The following TP73 variants were observed in gnomAD, a reference collection of about 807,000 sequenced individuals.
TP73 encodes tumor protein p73.
A neutral mutation model predicts 62.5 loss-of-function variants in TP73; 25 were observed. The ratio of observed to expected loss-of-function variants is 0.40; its 90% CI spans 0.29 to 0.56. The LOEUF is 0.56. TP73 is among the 20% of genes least tolerant of loss of function. The pLI is 0.46. For synonymous variants in TP73, 423 were observed against 377.5 expected (o/e 1.12, Z -1.40); for missense variants, 754 against 913.3 (o/e 0.83, Z 2.25).
rs1347742887 is a variant in TP73, at chr1:3,652,588, C to T, written c.-87C>T. 1 of 151,884 alleles carries T rather than the reference C, an allele frequency of 6.6e-6. No individual in the cohort carries two copies. Among genetic ancestry groups the T allele is most frequent in the Admixed American group, 6.6e-5 (1 of 15,242 alleles). 9.4% of individuals were successfully genotyped at this position (151,884 alleles called of 1,614,324 possible). ...GAAGGGGACGCAGCGAAACCGGGGC[C>T]CGCGCCAGGCCAGCCGGGACGGACG... is the stretch of plus-strand genomic sequence containing the variant. On this transcript the variant is annotated 5_prime_UTR_variant, in exon 1 of 14. Transcript: ENST00000378295.
intron 3 of TP73, among the ~76,000 whole-genome samples, chr1:3,687,748 C>G (rs1021789452): frequency 6.6e-6 from 1 of 152,178 alleles, no homozygotes; most frequent in Non-Finnish European, 1.5e-5. Context: ...GCTGGCCCCT[C>G]CCCTGTGCCC....
rs199941700 is a variant in TP73 at position 3,728,100 on chromosome 1, C to T, written c.986-29C>T. ...GCCTCACCCTCTGGTCCTGCCTGCT[C>T]ACCCCGCCTGCCCTGCCTGGCCTTC... On this transcript the variant is annotated intron_variant, in intron 8 of 13. Coordinates refer to ENST00000378295, the MANE Select transcript of TP73 (RefSeq NM_005427.4). The T allele has an allele frequency of 5.0e-6, 8 of 1,593,274 alleles. No homozygotes were observed. In the East Asian group the frequency reaches 1.6e-4, roughly 31 times the overall value.
chr1:3,720,139 T>C (rs1225653215), intron 4 of TP73, among the ~76,000 whole-genome samples: 1 of 152,166 alleles, frequency 6.6e-6, no homozygotes, highest in Non-Finnish European at 1.5e-5. Flanking sequence ...GCCAGGCTGG[T>C]CGAACTCCTG....
intron 3 of TP73, among the ~76,000 whole-genome samples, chr1:3,695,290 A>T (rs950050940): frequency 4.6e-5 from 7 of 152,220 alleles, no homozygotes; most frequent in Non-Finnish European, 1.5e-5. Flanking sequence ...CCAAATGTCC[A>T]GTTCATGGCC....
chr1:3,657,053 A>C (rs1644880713), intron 1 of TP73, among the ~76,000 whole-genome samples: 1 of 152,260 alleles, frequency 6.6e-6, no homozygotes, highest in South Asian at 2.1e-4. Flanking sequence ...ATGAACAAAG[A>C]AGCGCACATA....
At chr1:3,716,932 G>A (rs1467254333) in intron 4 of TP73, among the ~76,000 whole-genome samples, 1 of 152,164 alleles carries the variant, frequency 6.6e-6, no homozygotes, top group African/African-American at 2.4e-5. Context: ...AGAGAGGAGA[G>A]AGATGCACCC....
chr1:3,678,049 A>C (rs747263200), intron 1 of TP73, among the ~76,000 whole-genome samples: 4 of 152,100 alleles, frequency 2.6e-5, no homozygotes, highest in Non-Finnish European at 5.9e-5. Context: ...TACACTTCCA[A>C]TAATGTATTT....
At chr1:3,728,361 G>A in intron 9 of TP73, 144 bp downstream of exon 9, 1 of 783,638 alleles carries the variant, frequency 1.3e-6, no homozygotes, top group Non-Finnish European at 2.0e-6. Flanking sequence ...AGGGTCCAGA[G>A]GGCAGAACCT....
chr1:3,722,310 G>A (rs1641136271), intron 5 of TP73, 103 bp downstream of exon 5: 1 of 1,396,704 alleles, frequency 7.2e-7, no homozygotes, highest in African/African-American at 1.5e-5. Context: ...CTGACAGCAT[G>A]GGCTTAGCCA....
chr1:3,727,365 C>A (rs1013607928), intron 7 of TP73, 141 bp downstream of exon 7: 1 of 986,622 alleles, frequency 1.0e-6, no homozygotes, highest in Admixed American at 2.6e-5. Flanking sequence ...AGGAAGGAAC[C>A]GCCCCCTGGC....
chr1:3,692,574 C>T (rs1314855232), intron 3 of TP73, among the ~76,000 whole-genome samples: 1 of 152,132 alleles, frequency 6.6e-6, no homozygotes, highest in Non-Finnish European at 1.5e-5. Flanking sequence ...TGGGGGGCTG[C>T]CTTGTACCCC....
chr1:3,725,515 G>T (rs2124497168), intron 6 of TP73, among the ~76,000 whole-genome samples: 1 of 144,366 alleles, frequency 6.9e-6, no homozygotes, highest in Non-Finnish European at 1.5e-5. Flanking sequence ...TGAATGGATG[G>T]GTGGGTGGAC....
At chr1:3,727,991 C>A in intron 8 of TP73, 138 bp from the exon 9 acceptor site, 1 of 1,169,632 alleles carries the variant, frequency 8.5e-7, no homozygotes, top group Non-Finnish European at 1.2e-6. Context: ...GTTTGCCCGT[C>A]CCTGTGGGTT....
At position 3,666,203 on chromosome 1, in the gene TP73, G is replaced by A. The variant is rs1645111074; in HGVS notation, c.-34+13562G>A. 1.3e-5 allele frequency among the ~76,000 whole-genome samples: 2 copies of A among 151,042 alleles called. No homozygotes were observed. The highest frequency in any genetic ancestry group is 6.6e-5 in the Admixed American group (1 of 15,210). On this transcript the variant is annotated intron_variant, in intron 1 of 13. Transcript: ENST00000378295. The surrounding 1 kb of genome is among the most constrained non-coding windows in gnomAD (Gnocchi z 6.4). ...CTGCAGCCTAGGCTGGTGTGCAGTG[G>A]TGCAGTCACAGCTGACCACAGCCTC...
At chr1:3,731,172 G>C in intron 12 of TP73, 107 bp downstream of exon 12, 1 of 1,460,772 alleles carries the variant, frequency 6.8e-7, no homozygotes, top group Non-Finnish European at 9.2e-7. Flanking sequence ...CTCACCACTC[G>C]CAACCCTGGA....
intron 3 of TP73, chr1:3,698,279 G>A (rs1638845917): frequency 4.7e-6 from 1 of 213,394 alleles, no homozygotes; most frequent in Non-Finnish European, 8.1e-6. Context: ...GCGTGTGTGA[G>A]CTGTGCCTTC....
chr1:3,688,089 G>A (rs1183879168), intron 3 of TP73, among the ~76,000 whole-genome samples: 2 of 152,148 alleles, frequency 1.3e-5, no homozygotes, highest in Admixed American at 1.3e-4. Context: ...TTCCAGGGAG[G>A]ATCTGTAGCT....
At chr1:3,728,870 G>A (rs545070614) in intron 9 of TP73, among the ~76,000 whole-genome samples, 1 of 152,286 alleles carries the variant, frequency 6.6e-6, no homozygotes, top group African/African-American at 2.4e-5. Flanking sequence ...TCAGAAGACT[G>A]AGGCAGGAGG....
chr1:3,727,836 A>G (rs1570635849), intron 8 of TP73, 66 bp downstream of exon 8: 3 of 1,461,388 alleles, frequency 2.1e-6, no homozygotes, highest in Non-Finnish European at 1.8e-6. Flanking sequence ...GCAGGACACA[A>G]TGTGAGCCCG....
Sources: gnomAD v4.1 joint callset for allele counts (sites outside exome capture counted in the v4.1 genomes callset) on GRCh38, gnomAD v4.1.1 for gene constraint, Gnocchi (gnomAD v3.1) non-coding constraint, MANE v1.5 for transcripts, NCBI Gene and HGNC (gene_info 2026-07-23, HGNC 2026-07-21) for gene names.